The following ZSCAN25 variants were observed in gnomAD, a reference collection of about 807,000 sequenced individuals.
ZSCAN25 encodes the protein zinc finger and SCAN domain containing 25, also known as zinc finger and SCAN domain-containing protein 25.
ZSCAN25 carries 27 observed loss-of-function variants against 38.7 expected under a neutral mutation model. The ratio of observed to expected loss-of-function variants is 0.70; its 90% confidence interval spans 0.51 to 0.96. The LOEUF is 0.96. Ranked by LOEUF, ZSCAN25 falls within the 40% of genes least tolerant of loss-of-function variation. ZSCAN25 has a pLI of 0.00. For missense variants in ZSCAN25, 637 were observed against 705.9 expected, an observed-to-expected ratio of 0.90 and a Z score of 1.11; for synonymous variants, 273 against 277.7, an observed-to-expected ratio of 0.98 and a Z score of 0.17.
chr7:99,720,236 C>A, the ZSCAN25 span: 1 of 1,561,498 alleles, frequency 6.4e-7, no homozygotes. Context: ...AGGCAACTGT[C>A]TATGAATATA....
the ZSCAN25 span, chr7:99,638,266 A>G: frequency 1.0e-5 from 16 of 1,597,266 alleles, no homozygotes; most frequent in African/African-American, 5.4e-5. Flanking sequence ...GAGGTTAACC[A>G]TGTGAGCCCC....
the ZSCAN25 span, among the ~76,000 whole-genome samples, chr7:99,680,499 C>A: frequency 2.6e-5 from 4 of 152,158 alleles, no homozygotes; most frequent in Admixed American, 6.5e-5. Flanking sequence ...TCTCTACCAC[C>A]ATTGTAAGTT....
the ZSCAN25 span, chr7:99,713,385 C>T: frequency 1.3e-6 from 2 of 1,591,310 alleles, no homozygotes; most frequent in Non-Finnish European, 1.7e-6. Context: ...TCTCATCTAC[C>T]TGGAATACTT....
chr7:99,665,165 C>T, the ZSCAN25 span: 2 of 1,606,908 alleles, frequency 1.2e-6, no homozygotes, highest in Non-Finnish European at 1.7e-6. Context: ...AGCCCACATA[C>T]TTATTGAGAG....
the ZSCAN25 span, among the ~76,000 whole-genome samples, chr7:99,643,055 A>T: frequency 6.6e-6 from 1 of 152,318 alleles, no homozygotes; most frequent in South Asian, 2.1e-4. Context: ...TGATTTTTTA[A>T]TGTAGGTAAT....
the ZSCAN25 span, chr7:99,710,594 T>G: frequency 2.0e-6 from 3 of 1,480,152 alleles, no homozygotes; most frequent in Non-Finnish European, 1.8e-6. Flanking sequence ...CTTCTTTTTA[T>G]TTTGAGAGCC....
chr7:99,619,703 A>G lies in ZSCAN25; in HGVS notation c.97A>G (p.Arg33Gly), dbSNP rs771435310. ...LEKELPWGRGREDPSPETFRL... is the reference protein window; with the variant it reads ...LEKELPWGRGGEDPSPETFRL... ...GAAAGAGTTGCCATGGGGCAGAGGA[A>G]GGGAGGACCCTAGTCCAGAGACTTT... is the stretch of plus-strand genomic sequence containing the variant. Residue 33 changes from arginine (R) to glycine (G), a missense_variant, in exon 4 of 8, where the codon AGG becomes GGG. Physicochemically the swap from Arg to Gly is moderately radical, Grantham distance 125 (BLOSUM62 -2). Coordinates refer to ENST00000394152, the MANE Select transcript of ZSCAN25 (RefSeq NM_145115.3). 5 of 1,614,268 alleles carry G rather than the reference A, an allele frequency of 3.1e-6. No individual in the cohort carries two copies. Among genetic ancestry groups the G allele is most frequent in the Middle Eastern group, 1.6e-4 (1 of 6,062 alleles).
At chr7:99,639,266 A>G in the ZSCAN25 span, among the ~76,000 whole-genome samples, 64 of 152,354 alleles carry the variant, frequency 4.2e-4, no homozygotes, top group South Asian at 3.5e-3. Flanking sequence ...TGAGAGAAGG[A>G]CTGGAACTCC....
At chr7:99,686,807 C>A in the ZSCAN25 span, among the ~76,000 whole-genome samples, 1 of 152,146 alleles carries the variant, frequency 6.6e-6, no homozygotes, top group East Asian at 1.9e-4. Context: ...TCCTCTGAGA[C>A]AAACCTTCCA....
the ZSCAN25 span, among the ~76,000 whole-genome samples, chr7:99,698,442 A>G: frequency 6.6e-6 from 1 of 152,164 alleles, no homozygotes; most frequent in African/African-American, 2.4e-5. Flanking sequence ...TTCTTACTTC[A>G]TACGGATCCT....
the ZSCAN25 span, among the ~76,000 whole-genome samples, chr7:99,721,521 G>GA: frequency 2.0e-5 from 3 of 152,132 alleles, no homozygotes; most frequent in Non-Finnish European, 4.4e-5. Flanking sequence ...ATCAAGGGAA[G>GA]AAAAAAAGAA....
chr7:99,660,722 G>A, the ZSCAN25 span: 3 of 1,554,996 alleles, frequency 1.9e-6, no homozygotes, highest in Non-Finnish European at 2.6e-6. Flanking sequence ...CAGCTTAGAT[G>A]AAATCTAAGT....
the ZSCAN25 span, among the ~76,000 whole-genome samples, chr7:99,686,201 G>A: frequency 6.6e-6 from 1 of 152,202 alleles, no homozygotes; most frequent in African/African-American, 2.4e-5. Flanking sequence ...CCGAAGCAGG[G>A]CGAGGCATTG....
the ZSCAN25 span, among the ~76,000 whole-genome samples, chr7:99,658,148 C>G: frequency 6.6e-6 from 1 of 152,050 alleles, no homozygotes; most frequent in Non-Finnish European, 1.5e-5. Context: ...TTATTTTGCT[C>G]GTTAGTTGAT....
chr7:99,628,719 C>T (rs1158478112), intron 7 of ZSCAN25, among the ~76,000 whole-genome samples: 1 of 152,190 alleles, frequency 6.6e-6, no homozygotes. Context: ...TGAGCAGGCA[C>T]CTGGAAGGTC....
At chr7:99,718,558 C>T in the ZSCAN25 span, among the ~76,000 whole-genome samples, 1 of 151,918 alleles carries the variant, frequency 6.6e-6, no homozygotes, top group African/African-American at 2.4e-5. Context: ...AGAGAATCTA[C>T]AAAAAAACCC....
At chr7:99,672,138 G>A in the ZSCAN25 span, among the ~76,000 whole-genome samples, 3 of 151,940 alleles carry the variant, frequency 2.0e-5, no homozygotes, top group Non-Finnish European at 2.9e-5. Flanking sequence ...TGCAACCTCC[G>A]CCTCCCAGGT....
At chr7:99,660,521 A>G in the ZSCAN25 span, 8 of 1,612,504 alleles carry the variant, frequency 5.0e-6, no homozygotes, top group East Asian at 4.5e-5. Flanking sequence ...AACTGCATCA[A>G]TCTCCTTTTG....
the ZSCAN25 span, chr7:99,666,936 C>T: frequency 3.1e-6 from 5 of 1,610,560 alleles, no homozygotes; most frequent in Non-Finnish European, 4.2e-6. Flanking sequence ...AATTAAGACT[C>T]ATCTTATTTT....
Sources: gnomAD v4.1 joint callset for allele counts (sites outside exome capture counted in the v4.1 genomes callset) on GRCh38, gnomAD v4.1.1 for gene constraint, MANE v1.5 for transcripts, NCBI Gene and HGNC (gene_info 2026-07-23, HGNC 2026-07-21) for gene names.